PLA2G4A: variants seen among roughly 807,000 people sequenced by gnomAD.
PLA2G4A encodes the protein phospholipase A2 group IVA.
A neutral mutation model predicts 81.9 loss-of-function variants in PLA2G4A; 40 were observed. The ratio of observed to expected loss-of-function variants is 0.49; its 90% CI spans 0.38 to 0.64. The LOEUF is 0.64. PLA2G4A is among the 30% of genes least tolerant of loss of function. The pLI is 0.00. For synonymous variants in PLA2G4A, 302 were observed against 296.9 expected (o/e 1.02, Z -0.18); for missense variants, 715 against 905.1 (o/e 0.79, Z 2.69).
intron 3 of PLA2G4A, among the ~76,000 whole-genome samples, chr1:186,878,866 A>C (rs1489166965): frequency 6.6e-6 from 1 of 151,938 alleles, no homozygotes; most frequent in Non-Finnish European, 1.5e-5. Context: ...ATTAAAATCT[A>C]ATGGAATTAA....
At chr1:186,958,873 A>G (rs2102262345) in intron 14 of PLA2G4A, among the ~76,000 whole-genome samples, 1 of 152,302 alleles carries the variant, frequency 6.6e-6, no homozygotes, top group East Asian at 1.9e-4. Flanking sequence ...TAAAATACAG[A>G]ATACCCAGTT....
chr1:186,979,971 GGAGTCTCGCTCTGTCGC>G (rs1657663961), intron 17 of PLA2G4A, among the ~76,000 whole-genome samples: 4 of 109,308 alleles, frequency 3.7e-5, no homozygotes, highest in Non-Finnish European at 7.1e-5. Context: ...TTTTTGAGAT[GGAGTCTCGCTCTGTCGC>G]CCAGGCTGGA....
intron 1 of PLA2G4A, among the ~76,000 whole-genome samples, chr1:186,851,254 T>C (rs1443780368): frequency 6.6e-6 from 1 of 152,014 alleles, no homozygotes; most frequent in South Asian, 2.1e-4. Flanking sequence ...TTTCAGCTTC[T>C]GGAGAGGGAG....
At chr1:186,958,717 TTATTC>T (rs1306551403) in intron 14 of PLA2G4A, among the ~76,000 whole-genome samples, 1 of 152,168 alleles carries the variant, frequency 6.6e-6, no homozygotes, top group Non-Finnish European at 1.5e-5. Context: ...TGTGTATACT[TTATTC>T]TATTTGTTTT....
At chr1:186,839,190 C>T (rs932686404) in intron 1 of PLA2G4A, among the ~76,000 whole-genome samples, 1 of 152,194 alleles carries the variant, frequency 6.6e-6, no homozygotes. Context: ...TGAGTCTGTG[C>T]GGGTCAAGTC....
chr1:186,979,151 T>C (rs1557901747), intron 16 of PLA2G4A, among the ~76,000 whole-genome samples, 164 bp from the exon 17 acceptor site: 1 of 152,230 alleles, frequency 6.6e-6, no homozygotes, highest in Non-Finnish European at 1.5e-5. Flanking sequence ...GGATGTCATC[T>C]GGCCAGAACA....
At chr1:186,918,891 A>C (rs2102173300) in intron 7 of PLA2G4A, among the ~76,000 whole-genome samples, 1 of 152,346 alleles carries the variant, frequency 6.6e-6, no homozygotes, top group South Asian at 2.1e-4. Context: ...GGTTTTGCCC[A>C]AGGGTTAGTT....
At chr1:186,847,989 T>C (rs550647037) in intron 1 of PLA2G4A, among the ~76,000 whole-genome samples, 73 of 152,282 alleles carry the variant, frequency 4.8e-4, no homozygotes, top group African/African-American at 1.7e-3. Context: ...GTATTGTCCA[T>C]GGACTAAAGA....
At chr1:186,881,059 A>C (rs1653712897) in intron 3 of PLA2G4A, among the ~76,000 whole-genome samples, 1 of 152,030 alleles carries the variant, frequency 6.6e-6, no homozygotes, top group Admixed American at 6.6e-5. Flanking sequence ...TTAATGTACT[A>C]AATCAATTGC....
intron 10 of PLA2G4A, among the ~76,000 whole-genome samples, chr1:186,943,657 CT>C (rs1394226605): frequency 6.6e-6 from 1 of 151,912 alleles, no homozygotes; most frequent in African/African-American, 2.4e-5. Context: ...AAAAAGATAC[CT>C]TTGTGTGGAA....
chr1:186,852,650 G>A (rs1037295470), intron 1 of PLA2G4A, among the ~76,000 whole-genome samples: 1 of 151,906 alleles, frequency 6.6e-6, no homozygotes, highest in Non-Finnish European at 1.5e-5. Flanking sequence ...CCCATTCCAT[G>A]AGCCCCTTTA....
intron 17 of PLA2G4A, among the ~76,000 whole-genome samples, chr1:186,983,499 C>T (rs7526089): frequency 0.22 from 34,159 of 152,058 alleles, 6,596 homozygotes; most frequent in African/African-American, 0.52. Flanking sequence ...TTCATTTTAT[C>T]AAGAGATTCT....
intron 3 of PLA2G4A, among the ~76,000 whole-genome samples, chr1:186,889,561 C>T (rs570627132): frequency 1.3e-5 from 2 of 152,180 alleles, no homozygotes; most frequent in Non-Finnish European, 2.9e-5. Flanking sequence ...TAAACATACA[C>T]ATGCATCTAA....
rs145195216 is a variant in PLA2G4A at position 186,844,385 on chromosome 1, A to G, written c.-69-9901A>G. Among the ~76,000 whole-genome samples the G allele has an allele frequency of 1.1e-3, 166 of 152,330 alleles. 2 individuals carry two copies. In the East Asian group the frequency reaches 0.012, roughly 11 times the overall value. The stretch of plus-strand genomic sequence containing the variant: ...AGTGATGTCTTAGTAACTATATATC[A>G]TTATAAGAATGATGATGATGGAAAC... On this transcript the variant is annotated intron_variant, in intron 1 of 17. Transcript: ENST00000367466.
At chr1:186,957,208 G>A (rs1004701869) in intron 14 of PLA2G4A, among the ~76,000 whole-genome samples, 21 of 152,112 alleles carry the variant, frequency 1.4e-4, no homozygotes, top group African/African-American at 5.1e-4. Flanking sequence ...CTCTGTACTG[G>A]TCACAGTTCA....
chr1:186,974,749 C>A (rs1011795962), intron 15 of PLA2G4A, among the ~76,000 whole-genome samples: 2 of 152,174 alleles, frequency 1.3e-5, no homozygotes, highest in Admixed American at 1.3e-4. Context: ...AAAATACTTT[C>A]TAAAAACTAT....
chr1:186,944,811 G>T (rs1213908152), intron 10 of PLA2G4A, among the ~76,000 whole-genome samples: 2 of 151,916 alleles, frequency 1.3e-5, no homozygotes, highest in African/African-American at 4.8e-5. Flanking sequence ...TACCCCATTG[G>T]GTTCTTATAA....
chr1:186,837,273 T>C (rs1408778208), intron 1 of PLA2G4A, among the ~76,000 whole-genome samples: 1 of 152,026 alleles, frequency 6.6e-6, no homozygotes, highest in Non-Finnish European at 1.5e-5. Flanking sequence ...ATGGGAGGAA[T>C]GCGTGATGAG....
chr1:186,964,258 TCCAGTTCAATTCAAA>T (rs1657055495), intron 14 of PLA2G4A, among the ~76,000 whole-genome samples: 1 of 152,252 alleles, frequency 6.6e-6, no homozygotes. Context: ...TGGCATTTTA[TCCAGTTCAATTCAAA>T]CCAGTTCAAT....
Sources: gnomAD v4.1 joint callset for allele counts (sites outside exome capture counted in the v4.1 genomes callset) on GRCh38, gnomAD v4.1.1 for gene constraint, MANE v1.5 for transcripts, NCBI Gene and HGNC (gene_info 2026-07-23, HGNC 2026-07-21) for gene names.